Variants in CADPS2 observed in about 807,000 individuals in gnomAD.
CADPS2 encodes the protein calcium dependent secretion activator 2.
CADPS2 carries 93 observed loss-of-function variants against 172.5 expected under a neutral mutation model. The ratio of observed to expected loss-of-function variants is 0.54; its 90% CI spans 0.46 to 0.64. CADPS2 has a LOEUF of 0.64. Ranked by LOEUF, CADPS2 falls within the 30% of genes least tolerant of loss-of-function variation. CADPS2 has a pLI of 0.00. For synonymous variants in CADPS2, 546 were observed against 555.2 expected, an observed-to-expected ratio of 0.98 and a Z score of 0.23; for missense variants, 1,420 against 1,565.9, an observed-to-expected ratio of 0.91 and a Z score of 1.57.
intron 2 of CADPS2, among the ~76,000 whole-genome samples, chr7:122,675,151 C>T (rs1474956287): frequency 6.6e-6 from 1 of 152,162 alleles, no homozygotes; most frequent in Non-Finnish European, 1.5e-5. Context: ...AAGACATGAA[C>T]TGTTTTACTG....
At chr7:122,797,132 C>T (rs543756984) in intron 1 of CADPS2, among the ~76,000 whole-genome samples, 7 of 151,858 alleles carry the variant, frequency 4.6e-5, no homozygotes, top group East Asian at 3.9e-4. Context: ...ATTAGAGACA[C>T]GCAAATCAAA....
At chr7:122,580,796 C>T (rs752087205) in intron 7 of CADPS2, among the ~76,000 whole-genome samples, 1 of 152,070 alleles carries the variant, frequency 6.6e-6, no homozygotes, top group African/African-American at 2.4e-5. Context: ...ACATGAAGAG[C>T]AGATGATTTC....
At chr7:122,622,469 A>G (rs1222945918) in intron 4 of CADPS2, among the ~76,000 whole-genome samples, 3 of 152,176 alleles carry the variant, frequency 2.0e-5, no homozygotes, top group African/African-American at 7.2e-5. Context: ...CTGCAATCAG[A>G]TTTGTTTCTT....
chr7:122,434,054 C>T (rs377489463), intron 17 of CADPS2, among the ~76,000 whole-genome samples: 5 of 152,158 alleles, frequency 3.3e-5, no homozygotes, highest in Admixed American at 3.3e-4. Flanking sequence ...CACGAACAAC[C>T]CTGAACTTCT....
At chr7:122,386,901 A>G (rs973725547) in intron 24 of CADPS2, 125 bp downstream of exon 24, 6 of 927,446 alleles carry the variant, frequency 6.5e-6, no homozygotes, top group Non-Finnish European at 9.5e-6. Context: ...TATAGTAAAG[A>G]TCAAACGTTT....
intron 1 of CADPS2, among the ~76,000 whole-genome samples, chr7:122,769,135 T>A (rs998655227): frequency 1.1e-4 from 16 of 152,232 alleles, no homozygotes; most frequent in African/African-American, 3.4e-4. Flanking sequence ...TCTGCTTTTT[T>A]ACTAGCACTG....
At chr7:122,511,394 C>A (rs1192910511) in intron 9 of CADPS2, among the ~76,000 whole-genome samples, 1 of 152,104 alleles carries the variant, frequency 6.6e-6, no homozygotes, top group African/African-American at 2.4e-5. Flanking sequence ...TTACTTGGAA[C>A]CTTACCTGGC....
intron 1 of CADPS2, among the ~76,000 whole-genome samples, chr7:122,812,163 A>G (rs530894615): frequency 6.6e-6 from 1 of 152,062 alleles, no homozygotes; most frequent in Non-Finnish European, 1.5e-5. Context: ...AAGATGGAAA[A>G]TTAGTATATT....
rs1344924544 is a variant in CADPS2 at position 122,790,255 on chromosome 7, C to T, written c.340-53187G>A. On this transcript the variant is annotated intron_variant, in intron 1 of 29. Transcript: ENST00000449022. ...CTACAGAAAAATTTTAAAAATTAGCCAGGTGCAGTGATGTGCGCTTGTATT... is the reference window on the plus strand; with the variant it reads ...CTACAGAAAAATTTTAAAAATTAGCTAGGTGCAGTGATGTGCGCTTGTATT... 2.0e-5 allele frequency among the ~76,000 whole-genome samples: 3 copies of T among 151,436 alleles called. No homozygotes were observed. In the South Asian group the frequency reaches 6.2e-4, roughly 31 times the overall value.
At chr7:122,557,694 T>G (rs2132093609) in intron 7 of CADPS2, among the ~76,000 whole-genome samples, 1 of 152,246 alleles carries the variant, frequency 6.6e-6, no homozygotes, top group African/African-American at 2.4e-5. Flanking sequence ...GAATGTGTTC[T>G]AGGTTTAGGA....
intron 6 of CADPS2, among the ~76,000 whole-genome samples, chr7:122,587,359 T>C (rs1338477760): frequency 6.6e-6 from 1 of 152,054 alleles, no homozygotes; most frequent in African/African-American, 2.4e-5. Flanking sequence ...AGTGAGAACA[T>C]GTGGTGTTTG....
chr7:122,653,184 G>A (rs1015083799), intron 3 of CADPS2, among the ~76,000 whole-genome samples: 2 of 152,158 alleles, frequency 1.3e-5, no homozygotes, highest in Admixed American at 6.6e-5. Context: ...AACAGCCCTC[G>A]ATCCTGAGCT....
intron 2 of CADPS2, among the ~76,000 whole-genome samples, chr7:122,679,564 T>C (rs765014916): frequency 3.4e-4 from 52 of 152,142 alleles, no homozygotes; most frequent in Middle Eastern, 3.2e-3. Flanking sequence ...TTGTGATCTT[T>C]TGTTGCCCTT....
intron 1 of CADPS2, among the ~76,000 whole-genome samples, chr7:122,746,566 T>C (rs998010834): frequency 1.3e-5 from 2 of 151,880 alleles, no homozygotes; most frequent in African/African-American, 4.8e-5. Flanking sequence ...AAGAAGCAGA[T>C]TGTCTTGGGC....
At chr7:122,329,728 T>C (rs11761609) in intron 28 of CADPS2, among the ~76,000 whole-genome samples, 32,106 of 152,180 alleles carry the variant, frequency 0.21, 3,877 homozygotes, top group East Asian at 0.44. Context: ...GGAAGTTTTA[T>C]TTTTAAAAAG....
At chr7:122,648,271 C>A (rs1290448470) in intron 3 of CADPS2, among the ~76,000 whole-genome samples, 3 of 152,060 alleles carry the variant, frequency 2.0e-5, no homozygotes, top group African/African-American at 7.2e-5. Context: ...TCCTTGAGCT[C>A]TAGACCCTCC....
chr7:122,743,430 A>G (rs1035399776), intron 1 of CADPS2, among the ~76,000 whole-genome samples: 4 of 152,122 alleles, frequency 2.6e-5, no homozygotes, highest in Admixed American at 2.6e-4. Flanking sequence ...CAACCCAGGA[A>G]CCTAGCAACC....
intron 28 of CADPS2, chr7:122,339,139 C>G (rs912698633): frequency 2.0e-5 from 3 of 152,130 alleles, no homozygotes; most frequent in African/African-American, 4.8e-5. Flanking sequence ...TCAGTGGGTT[C>G]CAGCCTGCAT....
In CADPS2 at chr7:122,748,758, G is replaced by A. The variant is rs559995957; in HGVS notation, c.340-11690C>T. 9.4e-4 allele frequency among the ~76,000 whole-genome samples: 143 copies of A among 152,224 alleles called. 2 individuals are homozygous for A. Among genetic ancestry groups the A allele is most frequent in the African/African-American group, 3.3e-3 (138 of 41,554 alleles). ...GTGCACCATCCTTCTAGGATAAGGA[G>A]TGGCAGACTCTCAATATGATAAACA... On this transcript the variant is annotated intron_variant, in intron 1 of 29. Transcript: ENST00000449022.
Sources: allele counts gnomAD v4.1 joint callset (sites outside exome capture counted in the v4.1 genomes callset), GRCh38; gene constraint gnomAD v4.1.1; transcripts MANE v1.5; gene names NCBI Gene and HGNC (gene_info 2026-07-23, HGNC 2026-07-21).